The following TNN variants were observed in gnomAD, a reference collection of about 807,000 sequenced individuals.
TNN encodes the protein tenascin-N.
TNN carries 122 observed loss-of-function variants against 134.4 expected under a neutral mutation model. The ratio of observed to expected loss-of-function variants is 0.91; its 90% CI spans 0.78 to 1.06. TNN has a LOEUF of 1.06. TNN is among the 50% of genes least tolerant of loss of function. The pLI, the probability that TNN is intolerant of heterozygous loss-of-function variation, is 0.00. For missense variants in TNN, 1,739 were observed against 1,699.4 expected (o/e 1.02, Z -0.41); for synonymous variants, 710 against 670.3 (o/e 1.06, Z -0.91).
chr1:175,138,578 C>T (rs530080954), intron 17 of TNN, among the ~76,000 whole-genome samples: 116 of 152,108 alleles, frequency 7.6e-4, no homozygotes, highest in Middle Eastern at 3.4e-3. Flanking sequence ...AAAAAGTATG[C>T]AAAGAATTAT....
At chr1:175,131,043 T>A (rs2101846932) in intron 15 of TNN, among the ~76,000 whole-genome samples, 1 of 152,284 alleles carries the variant, frequency 6.6e-6, no homozygotes, top group Non-Finnish European at 1.5e-5. Flanking sequence ...TTACAGTTTT[T>A]TTGGGGGGGT....
intron 6 of TNN, among the ~76,000 whole-genome samples, chr1:175,088,860 G>A (rs912723739): frequency 1.3e-5 from 2 of 152,070 alleles, no homozygotes; most frequent in African/African-American, 2.4e-5. Context: ...CTTCCAGGCT[G>A]TGCTCAAACA....
At chr1:175,142,368 T>TTTTGGAAGA (rs1675961099) in intron 17 of TNN, among the ~76,000 whole-genome samples, 1 of 152,164 alleles carries the variant, frequency 6.6e-6, no homozygotes, top group Admixed American at 6.5e-5. Flanking sequence ...CCCCACCCAC[T>TTTTGGAAGA]CCAAAAACGT....
intron 17 of TNN, among the ~76,000 whole-genome samples, chr1:175,139,524 CAATA>C (rs1675896492): frequency 6.6e-6 from 1 of 152,198 alleles, no homozygotes; most frequent in African/African-American, 2.4e-5. Flanking sequence ...TCTTCAGGAG[CAATA>C]GCACACATGG....
chr1:175,093,268 A>G (rs1442244924), intron 6 of TNN, among the ~76,000 whole-genome samples: 1 of 152,236 alleles, frequency 6.6e-6, no homozygotes, highest in East Asian at 1.9e-4. Flanking sequence ...GACATGTGTC[A>G]AAGAAAAAAT....
intron 6 of TNN, among the ~76,000 whole-genome samples, chr1:175,093,318 G>C (rs1004566818): frequency 6.6e-6 from 1 of 152,204 alleles, no homozygotes; most frequent in African/African-American, 2.4e-5. Context: ...ATATGTTCTT[G>C]GGAAGCACAG....
intron 12 of TNN, among the ~76,000 whole-genome samples, chr1:175,125,975 C>CTG (rs1675519915): frequency 6.7e-6 from 1 of 149,478 alleles, no homozygotes; most frequent in Admixed American, 6.8e-5. Flanking sequence ...CTCTCTCTCT[C>CTG]TCTCTCTCCT....
At chr1:175,116,794 C>G (rs1675189350) in intron 9 of TNN, 145 bp from the exon 10 acceptor site, 1 of 1,136,208 alleles carries the variant, frequency 8.8e-7, no homozygotes, top group Non-Finnish European at 1.3e-6. Flanking sequence ...GGGATAAGGT[C>G]TATATCCATG....
intron 10 of TNN, 77 bp downstream of exon 10, chr1:175,117,282 T>C (rs1390203647): frequency 3.1e-6 from 5 of 1,593,172 alleles, no homozygotes; most frequent in South Asian, 1.1e-5. Context: ...TTTCCTTCTC[T>C]GACATTGGCA....
rs1264529643 is a variant in TNN, at chr1:175,102,541, C to T, written c.2119+3946C>T. Among the ~76,000 whole-genome samples the T allele has an allele frequency of 3.4e-5, 5 of 146,112 alleles. 1 individual carries two copies. Among genetic ancestry groups the T allele is most frequent in the South Asian group, 4.6e-4 (2 of 4,358 alleles). ...AGTACACCCTCCGCAGCTGCTGGCC[C>T]GGGTGCTAAGCCCCTCACTGCCCGG... is the stretch of plus-strand genomic sequence containing the variant. On this transcript the variant is annotated intron_variant, in intron 9 of 18. Coordinates refer to ENST00000239462, the MANE Select transcript of TNN (RefSeq NM_022093.2).
chr1:175,109,036 A>G (rs1035316017), intron 9 of TNN, among the ~76,000 whole-genome samples: 3 of 147,736 alleles, frequency 2.0e-5, no homozygotes, highest in Non-Finnish European at 4.5e-5. Context: ...CTACTGTGCT[A>G]TCAAACACTA....
At chr1:175,117,344 C>T in intron 10 of TNN, 139 bp downstream of exon 10, 1 of 1,392,754 alleles carries the variant, frequency 7.2e-7, no homozygotes, top group South Asian at 1.4e-5. Context: ...TAACAGATTG[C>T]ACACACCATC....
chr1:175,076,326 T>G (rs1210157764), intron 1 of TNN, among the ~76,000 whole-genome samples: 1 of 152,162 alleles, frequency 6.6e-6, no homozygotes, highest in African/African-American at 2.4e-5. Context: ...CGGATGGATT[T>G]GAGAAACAGT....
At chr1:175,102,320 A>G (rs191589091) in intron 9 of TNN, among the ~76,000 whole-genome samples, 6 of 146,044 alleles carry the variant, frequency 4.1e-5, no homozygotes, top group Admixed American at 1.4e-4. Flanking sequence ...GCCCTTGGGT[A>G]GTCGACGGGA....
At chr1:175,091,592 T>TTTAC (rs1558353562) in intron 6 of TNN, among the ~76,000 whole-genome samples, 1 of 150,396 alleles carries the variant, frequency 6.6e-6, no homozygotes, top group African/African-American at 2.4e-5. Flanking sequence ...TATTTATTTA[T>TTTAC]TTATTTATTT....
Position 175,110,071 on chromosome 1 carries a change from C to T in TNN, c.2120-6868C>T, listed in dbSNP as rs546071967. ...TTTTAACAGGGATGAGATGATATCT[C>T]AATGTGATTTTGATTTGCATTTCCC... On this transcript the variant is annotated intron_variant, in intron 9 of 18. Transcript: ENST00000239462. Among the ~76,000 whole-genome samples the T allele has an allele frequency of 2.0e-5, 3 of 152,240 alleles. No homozygotes were observed. In the South Asian group the frequency reaches 6.2e-4, roughly 32 times the overall value.
chr1:175,103,623 C>A (rs1574155075), intron 9 of TNN, among the ~76,000 whole-genome samples: 1 of 144,760 alleles, frequency 6.9e-6, no homozygotes, highest in East Asian at 2.3e-4. Flanking sequence ...TCTTCTTTGT[C>A]TTTTCCTTTC....
chr1:175,101,398 G>C lies in TNN; in HGVS notation c.2119+2803G>C, dbSNP rs12744451. Reference sequence around the variant, plus strand: ...CTTCGCGGTGTTACAGCTCATAAAAGCAGCGTGGACCCAAAGAGTGAGCAG... The same window carrying C: ...CTTCGCGGTGTTACAGCTCATAAAACCAGCGTGGACCCAAAGAGTGAGCAG... On this transcript the variant is annotated intron_variant, in intron 9 of 18. Coordinates refer to ENST00000239462, the MANE Select transcript of TNN (RefSeq NM_022093.2). Among the ~76,000 whole-genome samples the C allele has an allele frequency of 3.0e-3, 455 of 151,610 alleles. 2 individuals are homozygous for C. Among genetic ancestry groups the C allele is most frequent in the Middle Eastern group, 6.8e-3 (2 of 292 alleles).
chr1:175,088,692 C>T (rs1045591287), intron 6 of TNN, among the ~76,000 whole-genome samples: 9 of 152,338 alleles, frequency 5.9e-5, no homozygotes, highest in African/African-American at 1.9e-4. Flanking sequence ...GCCTGGAAAA[C>T]CCTTGCCATT....
Sources: allele counts gnomAD v4.1 joint callset (sites outside exome capture counted in the v4.1 genomes callset), GRCh38; gene constraint gnomAD v4.1.1; transcripts MANE v1.5; gene names NCBI Gene and HGNC (gene_info 2026-07-23, HGNC 2026-07-21).